The following MTM1 variants were observed in gnomAD, a reference collection of about 807,000 sequenced individuals.
MTM1 encodes the protein myotubularin.
Under a neutral mutation model 52.1 loss-of-function variants are expected in MTM1, and 9 were observed. The observed-to-expected ratio is 0.17, with a 90% CI of 0.10 to 0.30. The LOEUF is 0.30. Ranked by LOEUF, MTM1 falls within the 10% of genes least tolerant of loss-of-function variation. The probability of loss-of-function intolerance (pLI) is 1.00; values close to 1 mark genes in which losing one functional copy is unlikely to be tolerated. For missense variants in MTM1, 277 were observed against 470.7 expected, an observed-to-expected ratio of 0.59 and a Z score of 3.81; for synonymous variants, 136 against 163.8, an observed-to-expected ratio of 0.83 and a Z score of 1.29.
At chrX:150,653,537 G>A (rs782219840) in intron 10 of MTM1, among the ~76,000 whole-genome samples, 5 of 112,315 alleles carry the variant, frequency 4.5e-5, no homozygotes, top group Non-Finnish European at 9.4e-5. Context: ...GACATCTTTG[G>A]TGACCATTAT....
chrX:150,611,137 G>A (rs782063196), intron 4 of MTM1, among the ~76,000 whole-genome samples: 2 of 111,811 alleles, frequency 1.8e-5, no homozygotes, highest in South Asian at 3.7e-4. Flanking sequence ...GTCTTACCCC[G>A]TGACATTCCT....
intron 1 of MTM1, among the ~76,000 whole-genome samples, chrX:150,568,885 C>T (rs1557411334): frequency 1.8e-5 from 2 of 113,280 alleles, no homozygotes; most frequent in Admixed American, 9.2e-5. Context: ...GGCTTCCTCC[C>T]GTTCTCCCCG....
chrX:150,625,999 C>T (rs1300143057), intron 6 of MTM1, among the ~76,000 whole-genome samples: 5 of 112,722 alleles, frequency 4.4e-5, no homozygotes, highest in Non-Finnish European at 9.4e-5. Flanking sequence ...GTCTTCCAGA[C>T]AGCAGCACCT....
chrX:150,621,216 C>G (rs1189519230), intron 6 of MTM1, among the ~76,000 whole-genome samples: 3 of 109,244 alleles, frequency 2.7e-5, no homozygotes, highest in Non-Finnish European at 5.7e-5. Context: ...ATATGTCCTG[C>G]AAGTTTGAGG....
At chrX:150,671,330 T>TTAA (rs2040391750) in intron 14 of MTM1, 98 bp from the exon 15 acceptor site, 2 of 983,912 alleles carry the variant, frequency 2.0e-6, no homozygotes, top group Non-Finnish European at 2.9e-6. Flanking sequence ...AGTAAAGGGC[T>TTAA]TATTTACAAA....
chrX:150,606,935 T>TCCCTCGGTTCCCTCCCTG, intron 4 of MTM1, among the ~76,000 whole-genome samples: 1 of 63,875 alleles, frequency 1.6e-5, no homozygotes, highest in South Asian at 1.6e-3. Flanking sequence ...TTCCCTCCCT[T>TCCCTCGGTTCCCTCCCTG]CCCTTCCCTC....
chrX:150,663,582 T>C lies in MTM1; in HGVS notation c.1617T>C (p.Ile539=), dbSNP rs1399862379. 2.5e-6 allele frequency: 3 copies of C among 1,209,347 alleles called. No individual in the cohort carries two copies. In the African/African-American group the frequency reaches 5.2e-5, roughly 21 times the overall value. The change falls in exon 14 of 15, where the codon ATT becomes ATC. Residue 539 remains isoleucine (I), a synonymous_variant. Transcript: ENST00000370396. The part of the protein sequence containing the change: ...RHLELWVNYY[I]RWNPRIKQQQ... ...TGGAACTCTGGGTGAATTACTACAT[T>C]AGATGGAACCCCAGGATCAAGCAAC...
chrX:150,600,488 A>G (rs782306422), intron 4 of MTM1, among the ~76,000 whole-genome samples: 10 of 112,054 alleles, frequency 8.9e-5, no homozygotes, highest in Non-Finnish European at 1.9e-4. Context: ...CAATAGCCCC[A>G]TCTGAAGTGT....
intron 14 of MTM1, among the ~76,000 whole-genome samples, chrX:150,668,619 C>T (rs781831588): frequency 5.4e-5 from 6 of 110,957 alleles, no homozygotes; most frequent in South Asian, 3.9e-4. Context: ...GCAGGAGGAT[C>T]GCCTGAGCCC....
At position 150,671,474 on chromosome X, in the gene MTM1, G is replaced by A. The variant is rs781895025; in HGVS notation, c.1691G>A (p.Arg564His). The A allele has an allele frequency of 4.1e-6, 5 of 1,210,957 alleles. No individual in the cohort carries two copies. Among genetic ancestry groups the A allele is most frequent in the East Asian group, 3.0e-5 (1 of 33,804 alleles). Residue 564 changes from arginine (R) to histidine (H), a missense_variant, in exon 15 of 15, where the codon CGC becomes CAC. Arg to His is a conservative substitution (Grantham distance 29, BLOSUM62 0). This residue lies in a region of MTM1 where 51 missense variants were observed against 52.2 expected (regional missense o/e 0.98). Transcript: ENST00000370396. ...EQRYMELLAL[R>H]DEYIKRLEEL... The stretch of plus-strand genomic sequence containing the variant: ...CGTTACATGGAGCTCTTAGCCTTAC[G>A]CGACGAATACATAAAGCGGCTTGAG...
chrX:150,574,230 T>C (rs2038429714), intron 1 of MTM1, among the ~76,000 whole-genome samples: 1 of 111,618 alleles, frequency 9.0e-6, no homozygotes, highest in Non-Finnish European at 1.9e-5. Context: ...ATATCAACTC[T>C]AATAATCTCC....
chrX:150,567,555 CTTTTT>C (rs1486860727), upstream of MTM1, among the ~76,000 whole-genome samples: 1 of 111,443 alleles, frequency 9.0e-6, no homozygotes, highest in African/African-American at 3.3e-5. Flanking sequence ...GTTGTCTTTT[CTTTTT>C]TTAATTTTTT....
At chrX:150,583,216 A>T (rs868919564) in intron 1 of MTM1, among the ~76,000 whole-genome samples, 50 of 68,315 alleles carry the variant, frequency 7.3e-4, no homozygotes, top group African/African-American at 2.8e-3. Flanking sequence ...TAAATATATA[A>T]AAATTATATA....
chrX:150,594,737 T>C (rs1181883053), intron 2 of MTM1, among the ~76,000 whole-genome samples: 1 of 112,286 alleles, frequency 8.9e-6, no homozygotes, highest in Non-Finnish European at 1.9e-5. Flanking sequence ...GTTAATCCCA[T>C]GTTATCCTGT....
chrX:150,597,684 T>C (rs1046157930), intron 3 of MTM1, among the ~76,000 whole-genome samples: 1 of 112,074 alleles, frequency 8.9e-6, no homozygotes, highest in Non-Finnish European at 1.9e-5. Context: ...TATTCTGATT[T>C]AGCTTCTCCT....
At chrX:150,573,206 G>C (rs887283678) in intron 1 of MTM1, among the ~76,000 whole-genome samples, 29 of 112,415 alleles carry the variant, frequency 2.6e-4, no homozygotes, top group African/African-American at 9.1e-4. Context: ...CTCCCTGTCT[G>C]CCAGATGAAA....
intron 10 of MTM1, among the ~76,000 whole-genome samples, chrX:150,656,558 C>T (rs1029383404): frequency 3.6e-5 from 4 of 112,118 alleles, no homozygotes; most frequent in Admixed American, 1.9e-4. Flanking sequence ...AGCACACTAT[C>T]GCAATCACAT....
intron 6 of MTM1, among the ~76,000 whole-genome samples, chrX:150,627,174 T>C (rs369040582): frequency 1.3e-4 from 15 of 112,029 alleles, no homozygotes; most frequent in African/African-American, 1.9e-4. Context: ...GGAATGATTC[T>C]TCTGAAAATG....
At chrX:150,608,456 C>T (rs1557412881) in intron 4 of MTM1, among the ~76,000 whole-genome samples, 1 of 111,847 alleles carries the variant, frequency 8.9e-6, no homozygotes, top group Non-Finnish European at 1.9e-5. Flanking sequence ...TTGGCTCAAG[C>T]GATCCGCCTG....
Sources: gnomAD v4.1 joint callset for allele counts (sites outside exome capture counted in the v4.1 genomes callset) on GRCh38, gnomAD v4.1.1 for gene constraint, gnomAD v4.1.1 regional missense constraint, MANE v1.5 for transcripts, NCBI Gene and HGNC (gene_info 2026-07-23, HGNC 2026-07-21) for gene names.